The following RAP1GDS1 variants were observed in gnomAD, a reference collection of about 807,000 sequenced individuals.
RAP1GDS1 encodes RAP1, GTP-GDP dissociation stimulator 1.
A neutral mutation model predicts 71.1 loss-of-function variants in RAP1GDS1; 35 were observed. That is an observed-to-expected ratio of 0.49 (90% CI 0.38 to 0.65). The LOEUF (loss-of-function observed/expected upper bound fraction) is 0.65, where lower values mean the gene tolerates loss of function less well. Ranked by LOEUF, RAP1GDS1 falls within the 30% of genes least tolerant of loss-of-function variation. The pLI is 0.00. For missense variants in RAP1GDS1, 663 were observed against 706.1 expected (o/e 0.94, Z 0.69); for synonymous variants, 229 against 243.1 (o/e 0.94, Z 0.54).
At chr4:98,368,945 A>G (rs532114633) in intron 4 of RAP1GDS1, among the ~76,000 whole-genome samples, 32 of 152,292 alleles carry the variant, frequency 2.1e-4, no homozygotes, top group Admixed American at 1.9e-3. Context: ...GTCAAGACAT[A>G]CCCAAGTCTG....
Position 98,418,808 on chromosome 4 carries a change from GA to G in RAP1GDS1, c.1174+19del. 1 of 1,572,576 alleles carries G rather than the reference GA, an allele frequency of 6.4e-7. No individual in the cohort carries two copies. The highest frequency in any genetic ancestry group is 8.6e-7 in the Non-Finnish European group (1 of 1,163,860). ...CCATTCCAGGTAAGACTTAAGAATA[GA>G]AGGCAGCTGTGTACAAAATAAAATC... On this transcript the variant is annotated intron_variant, in intron 10 of 14. Coordinates refer to ENST00000408927, the MANE Select transcript of RAP1GDS1 (RefSeq NM_001100427.2).
Position 98,392,693 on chromosome 4 carries a change from CCT to C in RAP1GDS1, c.637+614_637+615del, listed in dbSNP as rs1334595629. On this transcript the variant is annotated intron_variant, in intron 6 of 14. Coordinates refer to ENST00000408927, the MANE Select transcript of RAP1GDS1 (RefSeq NM_001100427.2). ...TCCAGCCTGGGTGGCAGAGCCAGACCCTGTCTCAAGAAAAAAAAAGAAATTTA... is the reference window on the plus strand; with the variant it reads ...TCCAGCCTGGGTGGCAGAGCCAGACCGTCTCAAGAAAAAAAAAGAAATTTA... 3.3e-5 allele frequency among the ~76,000 whole-genome samples: 5 copies of C among 151,878 alleles called. No individual in the cohort carries two copies. In the South Asian group the frequency reaches 6.2e-4, roughly 19 times the overall value.
At chr4:98,362,442 C>T (rs1157323256) in intron 4 of RAP1GDS1, among the ~76,000 whole-genome samples, 1 of 152,182 alleles carries the variant, frequency 6.6e-6, no homozygotes, top group Non-Finnish European at 1.5e-5. Context: ...TACCACACTC[C>T]AGCCTGGGTG....
chr4:98,422,888 C>G (rs951052401), intron 12 of RAP1GDS1, among the ~76,000 whole-genome samples: 11 of 152,164 alleles, frequency 7.2e-5, no homozygotes, highest in African/African-American at 2.7e-4. Flanking sequence ...GACACAGGAC[C>G]AAGCAGTATG....
At chr4:98,426,751 C>T (rs1215581704) in intron 12 of RAP1GDS1, among the ~76,000 whole-genome samples, 1 of 151,952 alleles carries the variant, frequency 6.6e-6, no homozygotes, top group Admixed American at 6.6e-5. Flanking sequence ...AAAAAAAGTC[C>T]AGGACCAGAC....
At chr4:98,335,816 A>G (rs1734641794) in intron 2 of RAP1GDS1, among the ~76,000 whole-genome samples, 1 of 136,804 alleles carries the variant, frequency 7.3e-6, no homozygotes, top group Non-Finnish European at 1.6e-5. Flanking sequence ...TTTTCTGTGT[A>G]CCTTTCTGTT....
intron 2 of RAP1GDS1, among the ~76,000 whole-genome samples, chr4:98,332,509 A>G (rs1734147830): frequency 6.6e-6 from 1 of 152,222 alleles, no homozygotes; most frequent in Non-Finnish European, 1.5e-5. Flanking sequence ...AAACAAAAAG[A>G]TGTATTTTTC....
chr4:98,430,036 A>C (rs1452014647), intron 12 of RAP1GDS1, among the ~76,000 whole-genome samples: 1 of 152,132 alleles, frequency 6.6e-6, no homozygotes, highest in Non-Finnish European at 1.5e-5. Flanking sequence ...AAATTTAAAG[A>C]TTTTGAGGCT....
intron 1 of RAP1GDS1, among the ~76,000 whole-genome samples, chr4:98,281,697 G>A (rs1475051756): frequency 6.6e-6 from 1 of 152,174 alleles, no homozygotes; most frequent in Admixed American, 6.5e-5. Flanking sequence ...ATTTTTGAAA[G>A]GGAATGCTTC....
At chr4:98,283,892 T>G (rs1402181163) in intron 1 of RAP1GDS1, among the ~76,000 whole-genome samples, 1 of 150,394 alleles carries the variant, frequency 6.6e-6, no homozygotes, top group Non-Finnish European at 1.5e-5. Flanking sequence ...CTAGCTAACG[T>G]GTTTGGATTA....
At chr4:98,440,150 C>T (rs1210717868) in intron 14 of RAP1GDS1, among the ~76,000 whole-genome samples, 1 of 152,144 alleles carries the variant, frequency 6.6e-6, no homozygotes, top group African/African-American at 2.4e-5. Flanking sequence ...GCATTGTAGG[C>T]GTGTCAGAAT....
chr4:98,302,695 TAAAAAC>T (rs1204216237), intron 2 of RAP1GDS1, among the ~76,000 whole-genome samples: 2 of 152,078 alleles, frequency 1.3e-5, no homozygotes, highest in South Asian at 4.2e-4. Flanking sequence ...ACTTTAAAGA[TAAAAAC>T]AAATACAGAG....
chr4:98,377,147 CTAAG>C (rs1459504037), intron 4 of RAP1GDS1, among the ~76,000 whole-genome samples: 1 of 151,860 alleles, frequency 6.6e-6, no homozygotes, highest in East Asian at 1.9e-4. Context: ...ATGTCTTCTT[CTAAG>C]TAAGTCCTAA....
At chr4:98,341,128 A>G (rs1251697461) in intron 2 of RAP1GDS1, among the ~76,000 whole-genome samples, 1 of 152,158 alleles carries the variant, frequency 6.6e-6, no homozygotes, top group East Asian at 1.9e-4. Context: ...GTCACAGAAA[A>G]ATGGTAGTTC....
At chr4:98,403,900 A>G (rs1240009552) in intron 6 of RAP1GDS1, among the ~76,000 whole-genome samples, 1 of 152,228 alleles carries the variant, frequency 6.6e-6, no homozygotes, top group African/African-American at 2.4e-5. Context: ...AAAAGCAAAA[A>G]TGAGCTTGAA....
At chr4:98,441,400 G>T in intron 14 of RAP1GDS1, 1 of 984,858 alleles carries the variant, frequency 1.0e-6, no homozygotes, top group Non-Finnish European at 1.2e-6. Context: ...TTTGTTGAAG[G>T]ATATGAAGTA....
chr4:98,300,895 A>C (rs750704798), intron 2 of RAP1GDS1, among the ~76,000 whole-genome samples: 1 of 152,040 alleles, frequency 6.6e-6, no homozygotes, highest in Non-Finnish European at 1.5e-5. Flanking sequence ...AGCAGTAAAA[A>C]CTTTTGTTGT....
chr4:98,433,487 G>T (rs1750729419), intron 12 of RAP1GDS1, among the ~76,000 whole-genome samples: 1 of 151,962 alleles, frequency 6.6e-6, no homozygotes, highest in Non-Finnish European at 1.5e-5. Flanking sequence ...TAGAGATGGG[G>T]TCTCGCTATG....
chr4:98,441,820 A>G (rs1751911702), intron 14 of RAP1GDS1, among the ~76,000 whole-genome samples, 170 bp from the exon 15 acceptor site: 1 of 152,158 alleles, frequency 6.6e-6, no homozygotes, highest in Non-Finnish European at 1.5e-5. Flanking sequence ...ATTTTTTTAA[A>G]TTATAATACA....
Sources: allele counts gnomAD v4.1 joint callset (sites outside exome capture counted in the v4.1 genomes callset), GRCh38; gene constraint gnomAD v4.1.1; transcripts MANE v1.5; gene names NCBI Gene and HGNC (gene_info 2026-07-23, HGNC 2026-07-21).